Variants in DDX60L observed in about 807,000 individuals in gnomAD.
DDX60L encodes the protein DExD/H-box 60 like.
A neutral mutation model predicts 211.6 loss-of-function variants in DDX60L; 191 were observed. The observed-to-expected ratio is 0.90, with a 90% CI of 0.80 to 1.02. The LOEUF is 1.02. DDX60L is among the 50% of genes least tolerant of loss of function. The probability of loss-of-function intolerance (pLI) is 0.00; values close to 1 mark genes in which losing one functional copy is unlikely to be tolerated. For missense variants in DDX60L, 2,007 were observed against 1,984.1 expected, an observed-to-expected ratio of 1.01 and a Z score of -0.22; for synonymous variants, 706 against 694.1, an observed-to-expected ratio of 1.02 and a Z score of -0.27.
chr4:168,361,327 C>A (rs1739079184), intron 36 of DDX60L, 116 bp from the exon 37 acceptor site: 2 of 633,518 alleles, frequency 3.2e-6, no homozygotes, highest in Non-Finnish European at 2.8e-6. Context: ...AAATGCACTC[C>A]CAGTTAAGCA....
intron 29 of DDX60L, chr4:168,390,385 A>G (rs1182399744): frequency 1.7e-6 from 2 of 1,202,778 alleles, no homozygotes; most frequent in Non-Finnish European, 1.0e-6. Flanking sequence ...AAAAGGTGAT[A>G]TGGTCTATAG....
chr4:168,448,212 T>C (rs1321810899), intron 9 of DDX60L, among the ~76,000 whole-genome samples: 1 of 152,216 alleles, frequency 6.6e-6, no homozygotes, highest in African/African-American at 2.4e-5. Flanking sequence ...TGTTTTATTA[T>C]TCTCTGACTA....
chr4:168,394,351 A>T (rs1745394620), intron 28 of DDX60L, 114 bp downstream of exon 28: 1 of 753,346 alleles, frequency 1.3e-6, no homozygotes, highest in South Asian at 2.0e-5. Context: ...GAGTTGTAAT[A>T]AAAAGACACT....
Position 168,394,633 on chromosome 4 carries a change from A to C in DDX60L, c.3658-16T>G, listed in dbSNP as rs759820898. 6.3e-7 allele frequency: 1 copy of C among 1,575,086 alleles called. No individual in the cohort carries two copies. The highest frequency in any genetic ancestry group is 8.6e-7 in the Non-Finnish European group (1 of 1,164,446). ...TCTCCAAAGTCTAAAACAAGAAAGA[A>C]GTGTAAAACAATTGATGATGTATTT... On this transcript the variant is annotated splice_polypyrimidine_tract_variant and intron_variant, in intron 27 of 37. Transcript: ENST00000682922.
chr4:168,366,622 G>GA (rs35134300), intron 36 of DDX60L, among the ~76,000 whole-genome samples: 94,407 of 151,444 alleles, frequency 0.62, 30,524 homozygotes, highest in East Asian at 0.75. Flanking sequence ...ACAAAAATAG[G>GA]AAAAAAAATC....
At chr4:168,474,661 C>T (rs758666803) in intron 1 of DDX60L, among the ~76,000 whole-genome samples, 18 of 151,850 alleles carry the variant, frequency 1.2e-4, no homozygotes, top group Non-Finnish European at 1.9e-4. Context: ...GTTTGCTGAA[C>T]AATAAAACAG....
rs768860952 is a variant in DDX60L at position 168,378,374 on chromosome 4, A to C, written c.4465T>G (p.Leu1489Val). Residue 1489 changes from leucine (L) to valine (V), a missense_variant, in exon 33 of 38, where the codon TTA becomes GTA. Physicochemically the swap from Leu to Val is conservative, Grantham distance 32. Transcript: ENST00000682922. ...TTTACCTTTGACTGAGAAAAACTTA[A>C]ATTAGCATTTTGGAATTTTGCTGGA... is the stretch of plus-strand genomic sequence containing the variant. ...YIPAKFQNAN[L>V]SFSQSKVILA... is the part of the protein sequence containing the mutation. 1.3e-4 allele frequency: 195 copies of C among 1,456,442 alleles called. 2 individuals are homozygous for C. The Middle Eastern group carries it at 3.1e-3, about 23-fold the overall frequency. The allele number at this position is 1,456,442 out of a possible 1,614,324, so 90.2% of individuals were successfully genotyped here.
In DDX60L at chr4:168,384,601, C is replaced by T; in HGVS notation, c.4116+11G>A. On this transcript the variant is annotated intron_variant, in intron 30 of 37. Coordinates refer to ENST00000682922, the MANE Select transcript of DDX60L (RefSeq NM_001012967.3). Reference sequence around the variant, plus strand: ...TGAAGACTGAACCTCAGGCAGTGTCCAGCACGGTACCTTTGCCTTGGCATC... The same window carrying T: ...TGAAGACTGAACCTCAGGCAGTGTCTAGCACGGTACCTTTGCCTTGGCATC... 1.2e-6 allele frequency: 2 copies of T among 1,613,584 alleles called. No homozygotes were observed. Among genetic ancestry groups the T allele is most frequent in the Non-Finnish European group, 1.7e-6 (2 of 1,179,862 alleles).
At chr4:168,439,258 G>T (rs957283905) in intron 10 of DDX60L, among the ~76,000 whole-genome samples, 1 of 152,062 alleles carries the variant, frequency 6.6e-6, no homozygotes, top group African/African-American at 2.4e-5. Flanking sequence ...TGTTGTAAAG[G>T]TATTTGTAGA....
intron 1 of DDX60L, among the ~76,000 whole-genome samples, chr4:168,477,370 A>G (rs1202672077): frequency 9.2e-5 from 14 of 151,926 alleles, no homozygotes; most frequent in East Asian, 3.9e-4. Flanking sequence ...AGCCGAGATC[A>G]CGCCACTGCA....
Position 168,415,534 on chromosome 4 carries a change from A to G in DDX60L, c.2870-17T>C. On this transcript the variant is annotated splice_polypyrimidine_tract_variant and intron_variant, in intron 21 of 37. Coordinates refer to ENST00000682922, the MANE Select transcript of DDX60L (RefSeq NM_001012967.3). ...CACAGAGCACTAGATACGAAGAGCAAGAATATCCAAATTAATGGACATACG... is the reference window on the plus strand; with the variant it reads ...CACAGAGCACTAGATACGAAGAGCAGGAATATCCAAATTAATGGACATACG... The G allele has an allele frequency of 1.3e-6, 2 of 1,519,150 alleles. No homozygotes were observed. The highest frequency in any genetic ancestry group is 1.8e-6 in the Non-Finnish European group (2 of 1,106,558). 94.1% of individuals were successfully genotyped at this position (1,519,150 alleles called of 1,614,324 possible). A position where few individuals can be genotyped will look rare whatever the true frequency, so the allele number is the denominator to read the frequency against.
chr4:168,461,604 A>T, intron 5 of DDX60L, 95 bp downstream of exon 5: 1 of 863,778 alleles, frequency 1.2e-6, no homozygotes, highest in South Asian at 1.9e-5. Flanking sequence ...TGCCTATAAT[A>T]AGTTCCATTA....
At chr4:168,426,008 T>C (rs769602032) in intron 14 of DDX60L, among the ~76,000 whole-genome samples, 2 of 152,098 alleles carry the variant, frequency 1.3e-5, no homozygotes, top group Non-Finnish European at 2.9e-5. Context: ...GCCACAGAAA[T>C]TTGAGGGAGC....
chr4:168,470,385 A>G (rs1758594317), intron 4 of DDX60L: 1 of 152,246 alleles, frequency 6.6e-6, no homozygotes, highest in South Asian at 2.1e-4. Context: ...ATTGAAAGAG[A>G]TTGCTCAACA....
intron 26 of DDX60L, among the ~76,000 whole-genome samples, chr4:168,398,600 C>A (rs1205289509): frequency 6.6e-6 from 1 of 152,206 alleles, no homozygotes; most frequent in African/African-American, 2.4e-5. Flanking sequence ...GTCCTGTGGA[C>A]CAGAGTGGGA....
chr4:168,422,076 G>A (rs1239564916), intron 16 of DDX60L, among the ~76,000 whole-genome samples, 167 bp from the exon 17 acceptor site: 7 of 152,184 alleles, frequency 4.6e-5, no homozygotes, highest in Non-Finnish European at 1.0e-4. Context: ...AAGGATTCAG[G>A]AAAATACCTG....
intron 12 of DDX60L, among the ~76,000 whole-genome samples, chr4:168,432,170 G>T (rs1752447823): frequency 6.6e-6 from 1 of 151,232 alleles, no homozygotes; most frequent in Non-Finnish European, 1.5e-5. Context: ...ATGCACACCA[G>T]ATAATATAAT....
At chr4:168,453,820 T>C (rs1756145838) in intron 7 of DDX60L, among the ~76,000 whole-genome samples, 1 of 152,186 alleles carries the variant, frequency 6.6e-6, no homozygotes. Context: ...TAGAGCAAAA[T>C]TAGGGATAAC....
rs530822493 is a variant in DDX60L at position 168,395,500 on chromosome 4, A to G, written c.3657+459T>C. 6.6e-5 allele frequency among the ~76,000 whole-genome samples: 10 copies of G among 152,326 alleles called. No individual in the cohort carries two copies. In the South Asian group the frequency reaches 1.7e-3, roughly 25 times the overall value. ...CTATTTTCAAGTACTTCTGCAATGG[A>G]CATAAATTACTTGCATAATAAAAAA... On this transcript the variant is annotated intron_variant, in intron 27 of 37. Coordinates refer to ENST00000682922, the MANE Select transcript of DDX60L (RefSeq NM_001012967.3).
Sources: gnomAD v4.1 joint callset for allele counts (sites outside exome capture counted in the v4.1 genomes callset) on GRCh38, gnomAD v4.1.1 for gene constraint, MANE v1.5 for transcripts, NCBI Gene and HGNC (gene_info 2026-07-23, HGNC 2026-07-21) for gene names.